PDE4D: variants seen among roughly 807,000 people sequenced by gnomAD.
PDE4D encodes 3',5'-cyclic-AMP phosphodiesterase 4D.
Under a neutral mutation model 87.4 loss-of-function variants are expected in PDE4D, and 24 were observed. The ratio of observed to expected loss-of-function variants is 0.27; its 90% CI spans 0.20 to 0.39. The LOEUF (loss-of-function observed/expected upper bound fraction) is 0.39. Ranked by LOEUF, PDE4D falls within the 10% of genes least tolerant of loss-of-function variation. The pLI is 1.00. For missense variants in PDE4D, 714 were observed against 1,041.0 expected, an observed-to-expected ratio of 0.69 and a Z score of 4.32; for synonymous variants, 384 against 383.2, an observed-to-expected ratio of 1.00 and a Z score of -0.02.
At chr5:60,219,149 A>G (rs772779818) in intron 1 of PDE4D, among the ~76,000 whole-genome samples, 4 of 152,144 alleles carry the variant, frequency 2.6e-5, no homozygotes, top group African/African-American at 7.2e-5. Context: ...ATATTATCCA[A>G]TCTCTTTCCA....
Position 58,973,249 on chromosome 5 carries a change from C to G in PDE4D, c.*1415G>C, listed in dbSNP as rs1274332527. On this transcript the variant is annotated 3_prime_UTR_variant, in exon 15 of 15. Transcript: ENST00000340635. ...AGTAAAAGCTAGTCATGATATACAA[C>G]CTCGTGGTTGAAATGAATGTTAACC... The G allele has an allele frequency of 6.6e-6, 1 of 152,170 alleles. No individual in the cohort carries two copies. The highest frequency in any genetic ancestry group is 1.9e-4 in the East Asian group (1 of 5,194). 9.4% of individuals were successfully genotyped at this position (152,170 alleles called of 1,614,324 possible).
chr5:59,948,984 G>T (rs903721813), intron 3 of PDE4D, among the ~76,000 whole-genome samples: 6 of 152,200 alleles, frequency 3.9e-5, no homozygotes, highest in African/African-American at 1.4e-4. Flanking sequence ...TCAAACTGAA[G>T]CAAAGTAAGT....
At position 59,116,077 on chromosome 5, in the gene PDE4D, A is replaced by G. The variant is rs112130811; in HGVS notation, c.808+64518T>C. The stretch of plus-strand genomic sequence containing the variant: ...CCTAATAAATATATATAGTAAATAT[A>G]ATATACAGCCAAAAAATGTGTAAAC... On this transcript the variant is annotated intron_variant, in intron 5 of 14. Coordinates refer to ENST00000340635, the MANE Select transcript of PDE4D (RefSeq NM_001104631.2). Among the ~76,000 whole-genome samples, 858 of 152,284 alleles carry G rather than the reference A, an allele frequency of 5.6e-3. 6 individuals carry two copies. The highest frequency in any genetic ancestry group is 0.019 in the African/African-American group (806 of 41,568).
At chr5:59,071,347 T>C (rs946925623) in intron 5 of PDE4D, among the ~76,000 whole-genome samples, 1 of 152,124 alleles carries the variant, frequency 6.6e-6, no homozygotes, top group African/African-American at 2.4e-5. Context: ...TTTTCTAGAA[T>C]TTCTGATTTT....
At chr5:60,460,533 T>C (rs1746843680) in intron 1 of PDE4D, 1 of 1,448,538 alleles carries the variant, frequency 6.9e-7, no homozygotes, top group Non-Finnish European at 9.7e-7. Context: ...ATTTCTGTTC[T>C]ACTTTCAAAA....
chr5:60,016,605 A>G (rs1765546833), intron 2 of PDE4D, among the ~76,000 whole-genome samples: 2 of 152,176 alleles, frequency 1.3e-5, no homozygotes, highest in Non-Finnish European at 1.5e-5. Flanking sequence ...TTTATATTAT[A>G]TTCTAAAACC....
chr5:59,739,701 G>A (rs984331190), intron 1 of PDE4D, among the ~76,000 whole-genome samples: 5 of 152,160 alleles, frequency 3.3e-5, no homozygotes, highest in Non-Finnish European at 7.3e-5. Context: ...AGCAGAACAC[G>A]ATGTCACCTT....
chr5:59,822,602 A>G (rs2152689893), intron 1 of PDE4D, among the ~76,000 whole-genome samples: 1 of 152,336 alleles, frequency 6.6e-6, no homozygotes, highest in African/African-American at 2.4e-5. Flanking sequence ...TGTGATGTTT[A>G]AAATGTTGCT....
intron 1 of PDE4D, chr5:59,275,537 A>G (rs1224994904): frequency 5.5e-6 from 8 of 1,457,796 alleles, no homozygotes; most frequent in Non-Finnish European, 6.3e-6. Context: ...ATTTTCCTGG[A>G]GTCCATCTCC....
intron 1 of PDE4D, among the ~76,000 whole-genome samples, chr5:59,761,976 C>G (rs1032135968): frequency 1.3e-5 from 2 of 152,008 alleles, no homozygotes; most frequent in Non-Finnish European, 2.9e-5. Flanking sequence ...TATGACTTCA[C>G]TAGGTGATTG....
At chr5:59,833,977 A>G (rs938517631) in intron 1 of PDE4D, among the ~76,000 whole-genome samples, 1 of 152,018 alleles carries the variant, frequency 6.6e-6, no homozygotes, top group African/African-American at 2.4e-5. Flanking sequence ...GAAACCAGCA[A>G]ATGTTTATAA....
At chr5:59,495,697 A>T (rs879504207) in intron 1 of PDE4D, among the ~76,000 whole-genome samples, 2 of 152,176 alleles carry the variant, frequency 1.3e-5, no homozygotes, top group Admixed American at 6.5e-5. Context: ...GGCAGCTTTG[A>T]GACCTGGAAC....
At chr5:59,493,996 T>C (rs1806686476) in intron 1 of PDE4D, among the ~76,000 whole-genome samples, 1 of 152,222 alleles carries the variant, frequency 6.6e-6, no homozygotes, top group African/African-American at 2.4e-5. Flanking sequence ...TTACTATAAA[T>C]GCATGATAAT....
At chr5:59,850,715 G>T (rs781084696) in intron 1 of PDE4D, among the ~76,000 whole-genome samples, 1 of 152,038 alleles carries the variant, frequency 6.6e-6, no homozygotes, top group East Asian at 1.9e-4. Context: ...ACCGTGGGAG[G>T]AGTCATGGCT....
chr5:58,996,372 A>G (rs192395411), intron 6 of PDE4D, among the ~76,000 whole-genome samples: 1 of 152,238 alleles, frequency 6.6e-6, no homozygotes, highest in African/African-American at 2.4e-5. Context: ...AGAGTCTGCT[A>G]AACATTTTAA....
intron 1 of PDE4D, among the ~76,000 whole-genome samples, chr5:59,779,687 G>A (rs1002417715): frequency 5.3e-5 from 8 of 152,106 alleles, no homozygotes; most frequent in Non-Finnish European, 1.2e-4. Context: ...ATTTTTAGCT[G>A]ATGCATAGTA....
intron 1 of PDE4D, among the ~76,000 whole-genome samples, chr5:59,348,307 T>C (rs1779935653): frequency 6.6e-6 from 1 of 152,178 alleles, no homozygotes; most frequent in South Asian, 2.1e-4. Flanking sequence ...ATCTATATGA[T>C]AGAAACACTG....
intron 1 of PDE4D, among the ~76,000 whole-genome samples, chr5:59,737,185 GACATA>G (rs1758184775): frequency 1.3e-5 from 2 of 152,106 alleles, no homozygotes. Flanking sequence ...TGACTTTGAT[GACATA>G]ACATAAAGCC....
At chr5:60,130,990 A>G (rs1779516065) in intron 2 of PDE4D, among the ~76,000 whole-genome samples, 1 of 152,174 alleles carries the variant, frequency 6.6e-6, no homozygotes, top group Non-Finnish European at 1.5e-5. Context: ...TGAAATAGTT[A>G]AGATTACATT....
Sources: gnomAD v4.1 joint callset for allele counts (sites outside exome capture counted in the v4.1 genomes callset) on GRCh38, gnomAD v4.1.1 for gene constraint, MANE v1.5 for transcripts, NCBI Gene and HGNC (gene_info 2026-07-23, HGNC 2026-07-21) for gene names.